SPHKAP: variants seen among roughly 807,000 people sequenced by gnomAD.
SPHKAP encodes the protein A-kinase anchor protein SPHKAP.
Under a neutral mutation model 137.5 loss-of-function variants are expected in SPHKAP, and 67 were observed. The ratio of observed to expected loss-of-function variants is 0.49; its 90% CI spans 0.40 to 0.60. SPHKAP has a LOEUF of 0.60. Among genes scored for constraint, SPHKAP ranks in the 20% least tolerant of loss-of-function variants. The pLI is 0.00. For synonymous variants in SPHKAP, 813 were observed against 785.3 expected (o/e 1.04, Z -0.59); for missense variants, 2,097 against 2,069.3 (o/e 1.01, Z -0.26).
rs1167370785 is a variant in SPHKAP at position 228,027,458 on chromosome 2, CGGTCA to C, written c.306+21_306+25del. ...TTGAATAGTCCTTGTAATGACCTCC[CGGTCA>C]GCTTGAGTTTCAAATGTTACCTGTT... On this transcript the variant is annotated intron_variant, in intron 4 of 11. Coordinates refer to ENST00000392056, the MANE Select transcript of SPHKAP (RefSeq NM_001142644.2). 11 of 1,609,200 alleles carry C rather than the reference CGGTCA, an allele frequency of 6.8e-6. No homozygotes were observed. The African/African-American group carries it at 8.0e-5, about 12-fold the overall frequency.
intron 3 of SPHKAP, among the ~76,000 whole-genome samples, chr2:228,029,896 T>A (rs933161287): frequency 3.3e-5 from 5 of 152,148 alleles, no homozygotes; most frequent in African/African-American, 1.2e-4. Context: ...TTTATTATCA[T>A]GCATCACAGT....
chr2:228,023,533 G>C (rs1283856021), intron 5 of SPHKAP, among the ~76,000 whole-genome samples: 2 of 152,222 alleles, frequency 1.3e-5, no homozygotes, highest in East Asian at 3.9e-4. Flanking sequence ...AGGAACTGCT[G>C]TTGTAGAGTA....
At chr2:228,098,144 A>ATG (rs147852861) in intron 3 of SPHKAP, among the ~76,000 whole-genome samples, 45,163 of 148,420 alleles carry the variant, frequency 0.3, 6,871 homozygotes, top group Admixed American at 0.4. Context: ...TTGCCAACAT[A>ATG]TTTTTTTTTT....
intron 2 of SPHKAP, among the ~76,000 whole-genome samples, chr2:228,111,888 A>G (rs1559179403): frequency 6.6e-6 from 1 of 152,024 alleles, no homozygotes; most frequent in African/African-American, 2.4e-5. Context: ...ACTTATCTGC[A>G]TCTATTTTTT....
chr2:228,000,019 T>C (rs1328034970), intron 7 of SPHKAP, among the ~76,000 whole-genome samples: 1 of 152,244 alleles, frequency 6.6e-6, no homozygotes, highest in Non-Finnish European at 1.5e-5. Flanking sequence ...TAATGACTAA[T>C]ATCATACAGT....
At chr2:228,006,362 A>C (rs1694131547) in intron 7 of SPHKAP, among the ~76,000 whole-genome samples, 1 of 152,240 alleles carries the variant, frequency 6.6e-6, no homozygotes, top group Non-Finnish European at 1.5e-5. Flanking sequence ...TTCATCATGT[A>C]ATTCTCGTGC....
chr2:228,030,359 C>CA (rs1169433980), intron 3 of SPHKAP, among the ~76,000 whole-genome samples: 1 of 151,422 alleles, frequency 6.6e-6, no homozygotes, highest in Non-Finnish European at 1.5e-5. Context: ...ACTAAAAATA[C>CA]AAAAAACAGC....
intron 3 of SPHKAP, chr2:228,027,924 C>G (rs1255264845): frequency 1.5e-5 from 12 of 803,708 alleles, no homozygotes; most frequent in Admixed American, 6.3e-5. Flanking sequence ...CGAGGTCATG[C>G]CCACTCCAGC....
intron 5 of SPHKAP, among the ~76,000 whole-genome samples, chr2:228,022,596 G>T (rs964556133): frequency 3.3e-5 from 5 of 152,006 alleles, no homozygotes; most frequent in African/African-American, 1.2e-4. Flanking sequence ...GACATTTCTG[G>T]GTATAAAGCT....
At chr2:228,030,251 C>T (rs1315959273) in intron 3 of SPHKAP, among the ~76,000 whole-genome samples, 2 of 149,786 alleles carry the variant, frequency 1.3e-5, no homozygotes, top group Non-Finnish European at 2.9e-5. Flanking sequence ...TACGGTGGCT[C>T]ACGCCTGTAA....
chr2:227,997,740 G>T (rs556289524), intron 7 of SPHKAP, among the ~76,000 whole-genome samples: 2 of 152,132 alleles, frequency 1.3e-5, no homozygotes, highest in East Asian at 3.9e-4. Context: ...TTTCTTTTTG[G>T]TGAAATGGAA....
intron 3 of SPHKAP, among the ~76,000 whole-genome samples, chr2:228,063,185 T>G (rs1347076930): frequency 2.0e-5 from 3 of 152,078 alleles, no homozygotes; most frequent in Non-Finnish European, 4.4e-5. Flanking sequence ...TCTGTCTGTC[T>G]GTCTGTCTGT....
rs1201882472 is a variant in SPHKAP at position 228,181,084 on chromosome 2, G to C, written c.32+483C>G. Among the ~76,000 whole-genome samples, 8 of 152,052 alleles carry C rather than the reference G, an allele frequency of 5.3e-5. No individual in the cohort carries two copies. The highest frequency in any genetic ancestry group is 1.3e-4 in the Admixed American group (2 of 15,286). ...TTGGGGGCAGTCTAGGTGTCGGTCG[G>C]GGGTGAGGGACAATCTTCCCCACCC... is the stretch of plus-strand genomic sequence containing the variant. On this transcript the variant is annotated intron_variant, in intron 1 of 11. Coordinates refer to ENST00000392056, the MANE Select transcript of SPHKAP (RefSeq NM_001142644.2). This position sits in a 1 kb window ranked among gnomAD's most constrained non-coding sequence, Gnocchi z 4.3.
intron 3 of SPHKAP, among the ~76,000 whole-genome samples, chr2:228,072,098 C>T (rs1453164983): frequency 6.6e-6 from 1 of 152,174 alleles, no homozygotes; most frequent in Non-Finnish European, 1.5e-5. Context: ...GGTGAATCTG[C>T]TCTCTGACTG....
At chr2:228,160,788 T>C (rs1030320783) in intron 1 of SPHKAP, among the ~76,000 whole-genome samples, 2 of 152,220 alleles carry the variant, frequency 1.3e-5, no homozygotes, top group African/African-American at 4.8e-5. Context: ...TAAATACTTA[T>C]TTTCAGTGCT....
At chr2:227,991,742 G>T in intron 9 of SPHKAP, 1 of 934,376 alleles carries the variant, frequency 1.1e-6, no homozygotes, top group Non-Finnish European at 1.3e-6. Context: ...TTCCCATCTT[G>T]TCACAATTTT....
Position 228,019,508 on chromosome 2 carries a change from T to C in SPHKAP, c.1346A>G (p.Lys449Arg). 6.2e-7 allele frequency: 1 copy of C among 1,614,156 alleles called. No homozygotes were observed. The highest frequency in any genetic ancestry group is 8.5e-7 in the Non-Finnish European group (1 of 1,180,026). The change falls in exon 7 of 12, where the codon AAA becomes AGA. Residue 449 changes from lysine to arginine, a missense_variant. Physicochemically the swap from Lys to Arg is conservative, Grantham distance 26 (BLOSUM62 2). Coordinates refer to ENST00000392056, the MANE Select transcript of SPHKAP (RefSeq NM_001142644.2). ...VVSRSWNELPKIVVVQSPDGS... is the reference protein window; with the variant it reads ...VVSRSWNELPRIVVVQSPDGS... ...ATCTGGACTCTGAACAACGACGATT[T>C]TGGGGAGCTCATTCCATGACCGAGA...
chr2:228,032,767 C>G (rs994354735), intron 3 of SPHKAP, among the ~76,000 whole-genome samples: 5 of 152,108 alleles, frequency 3.3e-5, no homozygotes, highest in African/African-American at 9.7e-5. Context: ...ATTTCATATC[C>G]AGCCAAACTA....
At chr2:228,001,511 A>G (rs1056517404) in intron 7 of SPHKAP, among the ~76,000 whole-genome samples, 4 of 144,632 alleles carry the variant, frequency 2.8e-5, no homozygotes, top group Non-Finnish European at 6.0e-5. Flanking sequence ...ATATACGTAT[A>G]TATAAGAATA....
Sources: gnomAD v4.1 joint callset for allele counts (sites outside exome capture counted in the v4.1 genomes callset) on GRCh38, gnomAD v4.1.1 for gene constraint, Gnocchi (gnomAD v3.1) non-coding constraint, MANE v1.5 for transcripts, NCBI Gene and HGNC (gene_info 2026-07-23, HGNC 2026-07-21) for gene names.